ROCK2: variants seen among roughly 807,000 people sequenced by gnomAD.
ROCK2 encodes Rho associated coiled-coil containing protein kinase 2.
ROCK2 carries 61 observed loss-of-function variants against 195.1 expected under a neutral mutation model. The observed-to-expected ratio is 0.31, with a 90% CI of 0.25 to 0.39. The LOEUF (loss-of-function observed/expected upper bound fraction) is 0.39. Ranked by LOEUF, ROCK2 falls within the 10% of genes least tolerant of loss-of-function variation. The probability of loss-of-function intolerance (pLI) is 1.00; values close to 1 mark genes in which losing one functional copy is unlikely to be tolerated. For synonymous variants in ROCK2, 504 were observed against 545.5 expected (o/e 0.92, Z 1.06); for missense variants, 1,109 against 1,637.4 (o/e 0.68, Z 5.57).
At chr2:11,268,579 T>C (rs1463992831) in intron 3 of ROCK2, among the ~76,000 whole-genome samples, 1 of 151,614 alleles carries the variant, frequency 6.6e-6, no homozygotes, top group Non-Finnish European at 1.5e-5. Flanking sequence ...CAGATGACTT[T>C]TTTTCTATCA....
intron 12 of ROCK2, among the ~76,000 whole-genome samples, chr2:11,216,478 C>T (rs1157654180): frequency 6.6e-6 from 1 of 150,540 alleles, no homozygotes; most frequent in Non-Finnish European, 1.5e-5. Flanking sequence ...AGTCACCGCA[C>T]CCGGCCGTAG....
chr2:11,209,145 C>A (rs1664163622), intron 18 of ROCK2, among the ~76,000 whole-genome samples: 1 of 152,164 alleles, frequency 6.6e-6, no homozygotes, highest in Non-Finnish European at 1.5e-5. Flanking sequence ...ATTCTATGAT[C>A]TCCATAGGAC....
chr2:11,336,499 A>C (rs1668931903), intron 1 of ROCK2, among the ~76,000 whole-genome samples: 1 of 151,994 alleles, frequency 6.6e-6, no homozygotes, highest in Non-Finnish European at 1.5e-5. Context: ...AATCCTCCCA[A>C]CTCAGCCTCC....
At chr2:11,301,967 T>G (rs1667721834) in intron 1 of ROCK2, among the ~76,000 whole-genome samples, 1 of 149,704 alleles carries the variant, frequency 6.7e-6, no homozygotes, top group African/African-American at 2.5e-5. Context: ...CACCACGCCC[T>G]GCTTATTTTT....
chr2:11,344,211 A>C lies in ROCK2; in HGVS notation c.-75T>G. On this transcript the variant is annotated 5_prime_UTR_variant, in exon 1 of 33. Transcript: ENST00000315872. The surrounding 1 kb of genome is among the most constrained non-coding windows in gnomAD (Gnocchi z 5.4). Reference sequence around the variant, plus strand: ...GCCTCGGGGCCTAGCACCGCCCCCGAACCACCAGCTCCGGCCGGGACTCCA... The same window carrying C: ...GCCTCGGGGCCTAGCACCGCCCCCGCACCACCAGCTCCGGCCGGGACTCCA... 5.2e-6 allele frequency: 7 copies of C among 1,335,836 alleles called. No individual in the cohort carries two copies. 82.7% of individuals were successfully genotyped at this position (1,335,836 alleles called of 1,614,324 possible).
intron 3 of ROCK2, among the ~76,000 whole-genome samples, chr2:11,285,261 TAAAAAA>T (rs35144359): frequency 8.5e-6 from 1 of 117,242 alleles, no homozygotes; most frequent in African/African-American, 3.3e-5. Flanking sequence ...AAACTCTGTC[TAAAAAA>T]AAAAAAAAAA....
intron 1 of ROCK2, among the ~76,000 whole-genome samples, chr2:11,326,871 G>A (rs1197155872): frequency 2.6e-5 from 4 of 152,164 alleles, no homozygotes; most frequent in African/African-American, 9.7e-5. Context: ...GAAATATAAG[G>A]GGTCTCCTTT....
Position 11,257,687 on chromosome 2 carries a change from G to A in ROCK2, c.325-7889C>T, listed in dbSNP as rs575983213. ...GGTGACTCGAATCATTAGAGATGGC[G>A]GCCCATGGGAAGATCCAGTGTTGCA... On this transcript the variant is annotated intron_variant, in intron 3 of 32. Transcript: ENST00000315872. Among the ~76,000 whole-genome samples the A allele has an allele frequency of 7.9e-5, 12 of 151,216 alleles. No homozygotes were observed. In the South Asian group the frequency reaches 1.7e-3, roughly 21 times the overall value.
Position 11,249,818 on chromosome 2 carries a change from C to G in ROCK2, c.325-20G>C. The stretch of plus-strand genomic sequence containing the variant: ...ACGAACCTGTTGATTTTTGAAAACA[C>G]AAAAATTAATACTTTCATGTTATGA... On this transcript the variant is annotated intron_variant, in intron 3 of 32. Coordinates refer to ENST00000315872, the MANE Select transcript of ROCK2 (RefSeq NM_004850.5). 6.8e-7 allele frequency: 1 copy of G among 1,466,536 alleles called. No individual in the cohort carries two copies. The highest frequency in any genetic ancestry group is 2.5e-5 in the East Asian group (1 of 40,196). The allele number at this position is 1,466,536 out of a possible 1,614,324, so 90.8% of individuals were successfully genotyped here. A position where few individuals can be genotyped will look rare whatever the true frequency, so the allele number is the denominator to read the frequency against.
chr2:11,238,893 A>ATT (rs1665324118), intron 4 of ROCK2, among the ~76,000 whole-genome samples: 1 of 152,168 alleles, frequency 6.6e-6, no homozygotes, highest in Non-Finnish European at 1.5e-5. Context: ...GTTGTATAGA[A>ATT]CTGAGAACCC....
intron 3 of ROCK2, among the ~76,000 whole-genome samples, chr2:11,263,274 T>C (rs1558338531): frequency 2.6e-5 from 4 of 152,158 alleles, no homozygotes; most frequent in African/African-American, 9.7e-5. Flanking sequence ...TCAGGAAGGA[T>C]CACAGTCAAT....
chr2:11,243,071 A>C (rs551592494), intron 4 of ROCK2, among the ~76,000 whole-genome samples: 1 of 152,232 alleles, frequency 6.6e-6, no homozygotes, highest in South Asian at 2.1e-4. Flanking sequence ...ACATCCAAGC[A>C]AAGGGGCAGC....
chr2:11,187,063 T>C (rs545282599), intron 32 of ROCK2, among the ~76,000 whole-genome samples: 1 of 152,288 alleles, frequency 6.6e-6, no homozygotes, highest in East Asian at 1.9e-4. Flanking sequence ...TTTGGAGTTC[T>C]ACCAGCAGTC....
Position 11,287,641 on chromosome 2 carries a change from T to G in ROCK2, c.223+14A>C. 1 of 866,556 alleles carries G rather than the reference T, an allele frequency of 1.2e-6. No homozygotes were observed. The allele number at this position is 866,556 out of a possible 1,614,324, so 53.7% of individuals were successfully genotyped here. A position where few individuals can be genotyped will look rare whatever the true frequency, so the allele number is the denominator to read the frequency against. ...AGAGTTATAAGATCAAATATGAAGT[T>G]TAAACATACTTACATCTATTTAAGA... On this transcript the variant is annotated intron_variant, in intron 2 of 32. Transcript: ENST00000315872.
At position 11,224,420 on chromosome 2, in the gene ROCK2, A is replaced by G. The variant is rs1664744653; in HGVS notation, c.909T>C (p.Tyr303=). 2.5e-6 allele frequency: 4 copies of G among 1,612,582 alleles called. No homozygotes were observed. Among genetic ancestry groups the G allele is most frequent in the Admixed American group, 1.7e-5 (1 of 59,828 alleles). Residue 303 remains tyrosine (Y), a synonymous_variant, in exon 7 of 33, where the codon TAT becomes TAC. Coordinates refer to ENST00000315872, the MANE Select transcript of ROCK2 (RefSeq NM_004850.5). ...PFYADSLVGT[Y]SKIMDHKNSL... Reference sequence around the variant, plus strand: ...AATTCTTATGATCCATAATTTTGCTATATGTTCCTACAAGTGAATCCGCAT... The same window carrying G: ...AATTCTTATGATCCATAATTTTGCTGTATGTTCCTACAAGTGAATCCGCAT...
chr2:11,227,051 T>C (rs546054464), intron 6 of ROCK2, among the ~76,000 whole-genome samples: 1 of 152,300 alleles, frequency 6.6e-6, no homozygotes, highest in African/African-American at 2.4e-5. Flanking sequence ...ACTTATTCTA[T>C]TTAATCACCA....
In ROCK2 at chr2:11,214,383, G is replaced by A; in HGVS notation, c.2017C>T (p.Gln673Ter). 6.3e-7 allele frequency: 1 copy of A among 1,597,636 alleles called. No homozygotes were observed. The change falls in exon 17 of 33, where the codon CAG (glutamine) becomes TAG (stop). Residue 673 changes from glutamine (Q) to a stop codon, truncating the protein, a stop_gained. Coordinates refer to ENST00000315872, the MANE Select transcript of ROCK2 (RefSeq NM_004850.5). LOFTEE classifies it high-confidence loss of function. ...AKVELEKRQL[Q>*]ERFTDLEKEK... ...TTTTCCAAATCAGTAAATCTCTCCTGAAGTTGTCTCTTCTCCAGTTCTACT... is the reference window on the plus strand; with the variant it reads ...TTTTCCAAATCAGTAAATCTCTCCTAAAGTTGTCTCTTCTCCAGTTCTACT...
Position 11,193,871 on chromosome 2 carries a change from T to G in ROCK2, c.3609-14A>C. 5.5e-6 allele frequency: 8 copies of G among 1,462,870 alleles called. No homozygotes were observed. The highest frequency in any genetic ancestry group is 7.6e-6 in the Non-Finnish European group (8 of 1,050,794). The allele number at this position is 1,462,870 out of a possible 1,614,324, so 90.6% of individuals were successfully genotyped here. ...TGAAATAACTTGCTATAAAAAATTT[T>G]GAATAAAGGAATAAAATATCACCCA... On this transcript the variant is annotated splice_polypyrimidine_tract_variant and intron_variant, in intron 29 of 32. Coordinates refer to ENST00000315872, the MANE Select transcript of ROCK2 (RefSeq NM_004850.5).
intron 3 of ROCK2, among the ~76,000 whole-genome samples, chr2:11,260,103 A>G (rs528140884): frequency 1.3e-5 from 2 of 151,620 alleles, no homozygotes; most frequent in East Asian, 3.9e-4. Context: ...TCAAATAGTC[A>G]TTCCAGCAAT....
Sources: gnomAD v4.1 joint callset for allele counts (sites outside exome capture counted in the v4.1 genomes callset) on GRCh38, gnomAD v4.1.1 for gene constraint, Gnocchi (gnomAD v3.1) non-coding constraint, MANE v1.5 for transcripts, NCBI Gene and HGNC (gene_info 2026-07-23, HGNC 2026-07-21) for gene names.